NBN: variants seen among roughly 807,000 people sequenced by gnomAD.
NBN encodes nibrin.
A neutral mutation model predicts 90.8 loss-of-function variants in NBN; 88 were observed. The observed-to-expected ratio is 0.97, with a 90% CI of 0.82 to 1.16. NBN has a LOEUF of 1.16. Among genes scored for constraint, NBN ranks in the 50% most tolerant of loss-of-function variants. The pLI is 0.00. For missense variants in NBN, 894 were observed against 869.6 expected (o/e 1.03, Z -0.35); for synonymous variants, 328 against 295.1 (o/e 1.11, Z -1.14).
At position 89,935,394 on chromosome 8, in the gene NBN, C is replaced by A; in HGVS notation, c.*188G>T. On this transcript the variant is annotated 3_prime_UTR_variant, in exon 16 of 16. Transcript: ENST00000265433. Reference sequence around the variant, plus strand: ...TGAAAAAAAGATGCAATGACAAAGCCTGAAAACAGAACAAACAATTGTTAC... The same window carrying A: ...TGAAAAAAAGATGCAATGACAAAGCATGAAAACAGAACAAACAATTGTTAC... 5 of 633,724 alleles carry A rather than the reference C, an allele frequency of 7.9e-6. No homozygotes were observed. Among genetic ancestry groups the A allele is most frequent in the South Asian group, 2.0e-5 (1 of 49,610 alleles). 39.3% of individuals were successfully genotyped at this position (633,724 alleles called of 1,614,324 possible).
intron 14 of NBN, among the ~76,000 whole-genome samples, chr8:89,940,476 G>T (rs1041700269): frequency 6.6e-6 from 1 of 152,016 alleles, no homozygotes; most frequent in Admixed American, 6.6e-5. Context: ...TGATTATACT[G>T]AATTTCTGTC....
At chr8:89,946,009 T>C in intron 13 of NBN, 131 bp downstream of exon 13, 1 of 685,656 alleles carries the variant, frequency 1.5e-6, no homozygotes. Context: ...CCTAGAGGAA[T>C]TTTTTAAAGC....
intron 10 of NBN, 90 bp from the exon 11 acceptor site, chr8:89,953,781 ATTTAGTTCACAATG>A (rs869026239): frequency 1.0e-5 from 10 of 956,298 alleles, no homozygotes; most frequent in African/African-American, 8.2e-5. Context: ...CACTCCCTCC[ATTTAGTTCACAATG>A]TACTCTTGAT....
chr8:89,946,103 A>G (rs1448048249), intron 13 of NBN, 37 bp downstream of exon 13: 2 of 1,469,726 alleles, frequency 1.4e-6, no homozygotes, highest in South Asian at 2.3e-5. Flanking sequence ...AAAACATTTC[A>G]AACACTGACC....
At position 89,947,853 on chromosome 8, in the gene NBN, C is replaced by T. The variant is rs745559078; in HGVS notation, c.1885G>A (p.Asp629Asn). 1.3e-6 allele frequency: 2 copies of T among 1,583,686 alleles called. No individual in the cohort carries two copies. The highest frequency in any genetic ancestry group is 8.6e-7 in the Non-Finnish European group (1 of 1,156,766). Reference sequence around the variant, plus strand: ...ATTTCTTTAGCTGACCATAGTGAGTCTTCCTTGAGTTCACGTTTCTTCCCA... The same window carrying T: ...ATTTCTTTAGCTGACCATAGTGAGTTTTCCTTGAGTTCACGTTTCTTCCCA... ...EIGKKRELKE[D>N]SLWSAKEISN... is the part of the protein sequence containing the mutation. The change falls in exon 12 of 16, where the codon GAC (aspartate) becomes AAC (asparagine). Residue 629 changes from aspartate (D) to asparagine (N), a missense_variant. By Grantham distance (23) the Asp-to-Asn change is conservative. Transcript: ENST00000265433.
chr8:89,968,573 C>G (rs1468099455), intron 7 of NBN, among the ~76,000 whole-genome samples: 1 of 152,036 alleles, frequency 6.6e-6, no homozygotes, highest in Non-Finnish European at 1.5e-5. Context: ...ATTCTTAGAC[C>G]AGAACCTGCT....
chr8:89,974,078 C>T (rs569793961), intron 5 of NBN, among the ~76,000 whole-genome samples: 1 of 152,076 alleles, frequency 6.6e-6, no homozygotes, highest in Non-Finnish European at 1.5e-5. Context: ...ATCATTTTCA[C>T]TTCTGTACGA....
At chr8:89,947,958 T>C in intron 11 of NBN, 66 bp from the exon 12 acceptor site, 2 of 981,528 alleles carry the variant, frequency 2.0e-6, no homozygotes, top group Non-Finnish European at 3.1e-6. Flanking sequence ...TATCACTTCT[T>C]GGCCTTTTGA....
rs746164250 is a variant in NBN at position 89,984,582 on chromosome 8, G to A, written c.-21C>T. On this transcript the variant is annotated 5_prime_UTR_variant, in exon 1 of 16. Transcript: ENST00000265433. ...CACATCGGTCCGGCTCCTCAGGGCT[G>A]GGGCCGACGTGCAACCGCGTAACCG... is the stretch of plus-strand genomic sequence containing the variant. 7.4e-6 allele frequency: 12 copies of A among 1,612,420 alleles called. No individual in the cohort carries two copies. Among genetic ancestry groups the A allele is most frequent in the East Asian group, 4.5e-5 (2 of 44,828 alleles).
intron 13 of NBN, 131 bp downstream of exon 13, chr8:89,946,008 AT>A (rs1810166521): frequency 1.5e-6 from 1 of 680,626 alleles, no homozygotes; most frequent in Admixed American, 2.7e-5. Context: ...TCCTAGAGGA[AT>A]TTTTTAAAGC....
chr8:89,962,360 T>A (rs1554561535), intron 8 of NBN, among the ~76,000 whole-genome samples: 1 of 152,208 alleles, frequency 6.6e-6, no homozygotes, highest in Non-Finnish European at 1.5e-5. Context: ...ATCACCGTTT[T>A]TATATGTTTG....
intron 7 of NBN, among the ~76,000 whole-genome samples, chr8:89,969,372 T>C (rs1376109519): frequency 2.0e-5 from 3 of 152,262 alleles, no homozygotes; most frequent in Non-Finnish European, 4.4e-5. Flanking sequence ...TGTTTATATG[T>C]CTTTCTAATG....
At chr8:89,974,714 A>C (rs2129863346) in intron 5 of NBN, among the ~76,000 whole-genome samples, 1 of 152,286 alleles carries the variant, frequency 6.6e-6, no homozygotes, top group Non-Finnish European at 1.5e-5. Flanking sequence ...GTATTATAAC[A>C]AGCTTTAAGC....
chr8:89,953,495 C>A lies in NBN; in HGVS notation c.1594G>T (p.Val532Leu), dbSNP rs545435120. 2 of 1,613,578 alleles carry A rather than the reference C, an allele frequency of 1.2e-6. No homozygotes were observed. Among genetic ancestry groups the A allele is most frequent in the East Asian group, 2.2e-5 (1 of 44,858 alleles). ...LFTDTDLKSI[V>L]KNSASKSHAA... ...TGAGATTTACTGGCAGAATTTTTCA[C>A]AATAGATTTTAAATCTGTATCTGTA... The change falls in exon 11 of 16, where the codon GTG (valine) becomes TTG (leucine). Residue 532 changes from valine to leucine, a missense_variant. Transcript: ENST00000265433.
chr8:89,970,681 A>T (rs1811474652), intron 6 of NBN, 124 bp from the exon 7 acceptor site: 1 of 928,876 alleles, frequency 1.1e-6, no homozygotes, highest in East Asian at 2.6e-5. Flanking sequence ...TGAGTAGGTC[A>T]TTTCAGCTTC....
intron 11 of NBN, among the ~76,000 whole-genome samples, chr8:89,952,366 G>A (rs1000123382): frequency 6.6e-6 from 1 of 152,142 alleles, no homozygotes; most frequent in Admixed American, 6.5e-5. Context: ...AATGCAGCTG[G>A]TCCACAGAAG....
In NBN at chr8:89,948,007, AAG is replaced by A. The variant is rs1231049182; in HGVS notation, c.1846-117_1846-116del. The A allele has an allele frequency of 1.1e-5, 7 of 616,074 alleles. No individual in the cohort carries two copies. In the Admixed American group the frequency reaches 1.9e-4, roughly 17 times the overall value. 38.2% of individuals were successfully genotyped at this position (616,074 alleles called of 1,614,324 possible). On this transcript the variant is annotated intron_variant, in intron 11 of 15. Coordinates refer to ENST00000265433, the MANE Select transcript of NBN (RefSeq NM_002485.5). Reference sequence around the variant, plus strand: ...TAAAATGGTTCCTTTCTAAAAACTTAAGAGATATTCATGTTATGTATGACCAG... The same window carrying A: ...TAAAATGGTTCCTTTCTAAAAACTTAAGATATTCATGTTATGTATGACCAG...
At chr8:89,951,992 G>C (rs1003924159) in intron 11 of NBN, among the ~76,000 whole-genome samples, 4 of 152,156 alleles carry the variant, frequency 2.6e-5, no homozygotes, top group Admixed American at 6.5e-5. Flanking sequence ...AAGCTCCTTA[G>C]AAAACAGGGA....
intron 11 of NBN, among the ~76,000 whole-genome samples, chr8:89,948,815 A>T (rs1810316084): frequency 6.6e-6 from 1 of 152,218 alleles, no homozygotes; most frequent in South Asian, 2.1e-4. Context: ...TATCACAATC[A>T]GAACATTTTA....
Sources: allele counts gnomAD v4.1 joint callset (sites outside exome capture counted in the v4.1 genomes callset), GRCh38; gene constraint gnomAD v4.1.1; transcripts MANE v1.5; gene names NCBI Gene and HGNC (gene_info 2026-07-23, HGNC 2026-07-21).